Variants in CCNY observed in about 807,000 individuals in gnomAD.
CCNY encodes the protein cyclin Y, also known as cyclin-Y.
A neutral mutation model predicts 42.8 loss-of-function variants in CCNY; 19 were observed. That is an observed-to-expected ratio of 0.44 (90% CI 0.31 to 0.65). The LOEUF (loss-of-function observed/expected upper bound fraction) is 0.65, where lower values mean the gene tolerates loss of function less well. Ranked by LOEUF, CCNY falls within the 30% of genes least tolerant of loss-of-function variation. The pLI is 0.07. For synonymous variants in CCNY, 165 were observed against 162.7 expected (o/e 1.01, Z -0.11); for missense variants, 370 against 437.3 (o/e 0.85, Z 1.37).
chr10:35,487,192 T>C (rs1402468065), intron 2 of CCNY, among the ~76,000 whole-genome samples: 1 of 152,230 alleles, frequency 6.6e-6, no homozygotes, highest in Non-Finnish European at 1.5e-5. Flanking sequence ...GTGGGTCTTC[T>C]ACCCTATTTT....
Position 35,348,430 on chromosome 10 carries a change from C to T in CCNY, c.154+11223C>T, listed in dbSNP as rs144526368. ...GGCTTCTGAGGAAGATTGTTGGTTC[C>T]GTTAGGGCACATATCTTAAGCACCG... On this transcript the variant is annotated intron_variant, in intron 1 of 9. Transcript: ENST00000374704. 3.1e-3 allele frequency among the ~76,000 whole-genome samples: 478 copies of T among 152,292 alleles called. 1 individual carries two copies. The highest frequency in any genetic ancestry group is 6.8e-3 in the Middle Eastern group (2 of 294).
intron 1 of CCNY, among the ~76,000 whole-genome samples, chr10:35,377,263 C>A (rs916991562): frequency 6.6e-6 from 1 of 152,232 alleles, no homozygotes; most frequent in Non-Finnish European, 1.5e-5. Flanking sequence ...CACTTGCTGA[C>A]TGACCTAGAG....
At chr10:35,541,773 T>C (rs1463179465) in intron 7 of CCNY, among the ~76,000 whole-genome samples, 1 of 152,032 alleles carries the variant, frequency 6.6e-6, no homozygotes, top group African/African-American at 2.4e-5. Flanking sequence ...TTTTCTTCTT[T>C]AGGATCCCAT....
intron 1 of CCNY, among the ~76,000 whole-genome samples, chr10:35,397,566 A>G (rs543306783): frequency 6.3e-4 from 96 of 152,240 alleles, no homozygotes; most frequent in African/African-American, 2.3e-3. Flanking sequence ...GAGAGACACA[A>G]CATTGGCGGT....
chr10:35,473,584 A>T (rs1436004814), intron 1 of CCNY, among the ~76,000 whole-genome samples: 1 of 152,064 alleles, frequency 6.6e-6, no homozygotes. Context: ...TTGAGGGAGG[A>T]TCATGTGAAC....
Position 35,362,962 on chromosome 10 carries a change from C to T in CCNY, c.154+25755C>T, listed in dbSNP as rs559682079. 2.0e-5 allele frequency among the ~76,000 whole-genome samples: 3 copies of T among 151,934 alleles called. No homozygotes were observed. In the South Asian group the frequency reaches 6.2e-4, roughly 32 times the overall value. On this transcript the variant is annotated intron_variant, in intron 1 of 9. Coordinates refer to ENST00000374704, the MANE Select transcript of CCNY (RefSeq NM_145012.6). ...CAGATGGTCGGTGGCCGTACAGAGG[C>T]GCTCCTCACTTCCCAGACAGGGCGG...
chr10:35,560,205 G>T (rs957630026), intron 8 of CCNY, among the ~76,000 whole-genome samples: 9 of 152,158 alleles, frequency 5.9e-5, no homozygotes, highest in Non-Finnish European at 8.8e-5. Flanking sequence ...GGACTTTGGG[G>T]CTGTTAGGAT....
At position 35,558,441 on chromosome 10, in the gene CCNY, A is replaced by ACATTGAATTGAATGTAC. The variant is rs1841402919; in HGVS notation, c.746+5256_746+5257insCATTGAATTGAATGTAC. On this transcript the variant is annotated intron_variant, in intron 8 of 9. Coordinates refer to ENST00000374704, the MANE Select transcript of CCNY (RefSeq NM_145012.6). ...TGCTTAGAGACACTTTCTGTACTAT[A>ACATTGAATTGAATGTAC]AATTGAATGCATATCCCAGCTTGAA... 2.0e-5 allele frequency among the ~76,000 whole-genome samples: 3 copies of ACATTGAATTGAATGTAC among 152,246 alleles called. No homozygotes were observed. The East Asian group carries it at 5.8e-4, about 29-fold the overall frequency.
intron 1 of CCNY, among the ~76,000 whole-genome samples, chr10:35,353,154 T>G (rs974307806): frequency 4.6e-5 from 7 of 152,168 alleles, no homozygotes; most frequent in African/African-American, 1.7e-4. Context: ...CTGGAACTCC[T>G]GGGCTCAAGT....
At chr10:35,526,071 C>CT in intron 5 of CCNY, 72 bp downstream of exon 5, 1 of 1,311,920 alleles carries the variant, frequency 7.6e-7, no homozygotes, top group Non-Finnish European at 1.1e-6. Context: ...TTTTCATATT[C>CT]TAGTTGCTTA....
At chr10:35,415,823 G>A (rs1434742344) in intron 1 of CCNY, among the ~76,000 whole-genome samples, 1 of 152,216 alleles carries the variant, frequency 6.6e-6, no homozygotes, top group Non-Finnish European at 1.5e-5. Flanking sequence ...CCCTCTTGCT[G>A]TACCTTTCAC....
At chr10:35,464,052 A>G (rs1839208775) in intron 1 of CCNY, among the ~76,000 whole-genome samples, 1 of 152,192 alleles carries the variant, frequency 6.6e-6, no homozygotes, top group African/African-American at 2.4e-5. Flanking sequence ...AATGGGAAAG[A>G]GGAGCGGTGT....
At chr10:35,280,170 T>C (rs533265632) in intron 3 of CCNY, among the ~76,000 whole-genome samples, 2 of 152,112 alleles carry the variant, frequency 1.3e-5, no homozygotes, top group East Asian at 3.9e-4. Context: ...CTACAAAAAA[T>C]ACAAAAATTA....
At chr10:35,280,398 A>AAG (rs1554964878) in intron 3 of CCNY, among the ~76,000 whole-genome samples, 9 of 135,470 alleles carry the variant, frequency 6.6e-5, no homozygotes, top group African/African-American at 2.0e-4. Flanking sequence ...AGGAAGAAGG[A>AAG]AAGGAAGGAA....
chr10:35,451,916 C>T (rs1838927336), intron 1 of CCNY, among the ~76,000 whole-genome samples: 1 of 152,214 alleles, frequency 6.6e-6, no homozygotes, highest in South Asian at 2.1e-4. Flanking sequence ...GACTTTGGGC[C>T]TGGCAGTGTC....
intron 2 of CCNY, 80 bp from the exon 3 acceptor site, chr10:35,501,421 C>T: frequency 8.3e-7 from 1 of 1,207,294 alleles, no homozygotes; most frequent in Admixed American, 1.7e-5. Context: ...GACCACGACA[C>T]AGAGGCCCAG....
intron 1 of CCNY, among the ~76,000 whole-genome samples, chr10:35,404,231 A>C (rs1837707858): frequency 1.3e-5 from 2 of 152,190 alleles, no homozygotes; most frequent in South Asian, 4.1e-4. Context: ...CACAGACATG[A>C]GGGCTAGGCT....
chr10:35,363,042 C>T (rs1564382808), intron 1 of CCNY, among the ~76,000 whole-genome samples: 3 of 144,162 alleles, frequency 2.1e-5, no homozygotes, highest in South Asian at 2.3e-4. Flanking sequence ...GGCGGCCGGG[C>T]GGAGACGCTC....
chr10:35,445,337 T>C (rs1838767426), intron 1 of CCNY, among the ~76,000 whole-genome samples: 1 of 152,202 alleles, frequency 6.6e-6, no homozygotes, highest in Admixed American at 6.5e-5. Flanking sequence ...TTACTGCTGT[T>C]TCCCACGGAG....
Sources: gnomAD v4.1 joint callset for allele counts (sites outside exome capture counted in the v4.1 genomes callset) on GRCh38, gnomAD v4.1.1 for gene constraint, MANE v1.5 for transcripts, NCBI Gene and HGNC (gene_info 2026-07-23, HGNC 2026-07-21) for gene names.